GLRA3: variants seen among roughly 807,000 people sequenced by gnomAD.
The protein encoded by GLRA3 is glycine receptor alpha 3, also known as glycine receptor subunit alpha-3.
A neutral mutation model predicts 60.4 loss-of-function variants in GLRA3; 44 were observed. The ratio of observed to expected loss-of-function variants is 0.73; its 90% confidence interval spans 0.57 to 0.94. GLRA3 has a LOEUF of 0.94. GLRA3 is among the 40% of genes least tolerant of loss of function. The pLI is 0.00. For synonymous variants in GLRA3, 223 were observed against 192.9 expected (o/e 1.16, Z -1.29); for missense variants, 508 against 564.6 (o/e 0.90, Z 1.02).
intron 3 of GLRA3, among the ~76,000 whole-genome samples, chr4:174,763,792 G>A (rs1398473607): frequency 2.0e-5 from 3 of 152,118 alleles, no homozygotes; most frequent in East Asian, 3.8e-4. Flanking sequence ...AAACAGTAAT[G>A]ATGGTAAACT....
At position 174,642,895 on chromosome 4, in the gene GLRA3, A is replaced by C; in HGVS notation, c.*891T>G. 1 of 729,352 alleles carries C rather than the reference A, an allele frequency of 1.4e-6. No homozygotes were observed. The highest frequency in any genetic ancestry group is 7.0e-4 in the Middle Eastern group (1 of 1,426). 45.2% of individuals were successfully genotyped at this position (729,352 alleles called of 1,614,324 possible). On this transcript the variant is annotated 3_prime_UTR_variant, in exon 10 of 10. Transcript: ENST00000274093. Reference sequence around the variant, plus strand: ...CATTGAATTTTAAAGTCACATTCTAAACTAAAATATAAAAGTCTTACTGAA... The same window carrying C: ...CATTGAATTTTAAAGTCACATTCTACACTAAAATATAAAAGTCTTACTGAA...
chr4:174,799,544 T>C (rs1482049373), intron 1 of GLRA3, among the ~76,000 whole-genome samples: 1 of 152,206 alleles, frequency 6.6e-6, no homozygotes, highest in Non-Finnish European at 1.5e-5. Flanking sequence ...AAAATTGCAT[T>C]CTAGGATTCA....
intron 2 of GLRA3, among the ~76,000 whole-genome samples, chr4:174,779,489 G>A: frequency 6.6e-6 from 1 of 152,138 alleles, no homozygotes; most frequent in Non-Finnish European, 1.5e-5. Context: ...CTGAGAGAAG[G>A]CGGCTTCAGA....
At chr4:174,702,579 AT>A (rs5864285) in intron 5 of GLRA3, among the ~76,000 whole-genome samples, 28,963 of 151,726 alleles carry the variant, frequency 0.19, 2,991 homozygotes, top group East Asian at 0.39. Flanking sequence ...AAATATTTTT[AT>A]TTTTTGAGAC....
At chr4:174,713,495 A>C (rs1253670371) in intron 5 of GLRA3, 2 of 152,198 alleles carry the variant, frequency 1.3e-5, no homozygotes, top group Non-Finnish European at 2.9e-5. Flanking sequence ...TCACTCACCT[A>C]AAAACAAAAA....
At chr4:174,663,897 C>T (rs1733556983) in intron 7 of GLRA3, among the ~76,000 whole-genome samples, 1 of 152,162 alleles carries the variant, frequency 6.6e-6, no homozygotes, top group South Asian at 2.1e-4. Context: ...ACCCATTGTC[C>T]ACTGGAATCC....
chr4:174,817,716 C>G (rs1212670910), intron 1 of GLRA3, among the ~76,000 whole-genome samples: 3 of 152,142 alleles, frequency 2.0e-5, no homozygotes, highest in African/African-American at 7.2e-5. Context: ...AAGCAATTCT[C>G]CTGCCTCAGC....
intron 9 of GLRA3, among the ~76,000 whole-genome samples, chr4:174,656,282 G>T (rs1733200430): frequency 6.6e-6 from 1 of 152,014 alleles, no homozygotes; most frequent in South Asian, 2.1e-4. Context: ...ATTTAGAATG[G>T]ATTCTAAAGA....
chr4:174,757,972 G>A (rs1737784235), intron 3 of GLRA3, among the ~76,000 whole-genome samples: 1 of 151,390 alleles, frequency 6.6e-6, no homozygotes, highest in South Asian at 2.1e-4. Context: ...CACTATATAA[G>A]TTCCCGCAAG....
intron 1 of GLRA3, among the ~76,000 whole-genome samples, chr4:174,792,577 G>T (rs1739398060): frequency 6.6e-6 from 1 of 152,106 alleles, no homozygotes; most frequent in Non-Finnish European, 1.5e-5. Context: ...AATATATGCA[G>T]TTTTTCCAAA....
At chr4:174,823,318 A>G (rs1017816793) in intron 1 of GLRA3, among the ~76,000 whole-genome samples, 2 of 152,182 alleles carry the variant, frequency 1.3e-5, no homozygotes, top group Admixed American at 6.5e-5. Context: ...AGGTCAGGAG[A>G]TAGAGACCAT....
At chr4:174,757,203 T>C (rs1311490945) in intron 3 of GLRA3, among the ~76,000 whole-genome samples, 2 of 152,186 alleles carry the variant, frequency 1.3e-5, no homozygotes, top group East Asian at 3.8e-4. Flanking sequence ...ATGTCAATAT[T>C]GCAAAATTTA....
At chr4:174,826,875 T>A (rs1578948910) in intron 1 of GLRA3, among the ~76,000 whole-genome samples, 1 of 12,300 alleles carries the variant, frequency 8.1e-5, no homozygotes, top group African/African-American at 2.2e-4. Flanking sequence ...GGGAGCTTCC[T>A]TTTTTTTTTT....
rs551562841 is a variant in GLRA3, at chr4:174,696,434, T to C, written c.575-13495A>G. 2.0e-5 allele frequency among the ~76,000 whole-genome samples: 3 copies of C among 150,012 alleles called. No homozygotes were observed. The East Asian group carries it at 5.8e-4, about 29-fold the overall frequency. On this transcript the variant is annotated intron_variant, in intron 5 of 9. Transcript: ENST00000274093. ...GTAAAGTTGAAACGTGAATAACATATGGAAAACAACATATGTAACAAATAT... is the reference window on the plus strand; with the variant it reads ...GTAAAGTTGAAACGTGAATAACATACGGAAAACAACATATGTAACAAATAT...
intron 2 of GLRA3, among the ~76,000 whole-genome samples, chr4:174,782,164 T>C (rs1269230335): frequency 4.8e-5 from 7 of 147,350 alleles, no homozygotes; most frequent in Non-Finnish European, 9.0e-5. Flanking sequence ...TGGTTCAATA[T>C]ATGCAAATCA....
rs529096496 is a variant in GLRA3 at position 174,790,671 on chromosome 4, T to G, written c.72-1728A>C. Among the ~76,000 whole-genome samples the G allele has an allele frequency of 3.3e-5, 5 of 151,836 alleles. No homozygotes were observed. The South Asian group carries it at 1.0e-3, about 32-fold the overall frequency. ...TGACCTGAACCAATAATACTCTGCCTCCTTCTCTTTTAAAAATACTAGACG... is the reference window on the plus strand; with the variant it reads ...TGACCTGAACCAATAATACTCTGCCGCCTTCTCTTTTAAAAATACTAGACG... On this transcript the variant is annotated intron_variant, in intron 1 of 9. Coordinates refer to ENST00000274093, the MANE Select transcript of GLRA3 (RefSeq NM_006529.4).
Position 174,677,276 on chromosome 4 carries a change from T to C in GLRA3, c.729A>G (p.Ile243Met), listed in dbSNP as rs1241732177. The change falls in exon 7 of 10, where the codon ATA (isoleucine) becomes ATG (methionine). Residue 243 changes from isoleucine (I) to methionine (M), a missense_variant. Around this residue, in one of 3 missense-constraint regions of GLRA3, gnomAD observed 329 missense variants for 349.3 expected, o/e 0.94. Transcript: ENST00000274093. ...GTCGCTCCAGATGGAATCGCACTTC[T>C]ATACACGTAAACTTTCCTAATTGGT... The part of the protein sequence containing the change: ...KHYNTGKFTC[I>M]EVRFHLERQM... 1.2e-6 allele frequency: 2 copies of C among 1,605,716 alleles called. No homozygotes were observed. Among genetic ancestry groups the C allele is most frequent in the Non-Finnish European group, 1.7e-6 (2 of 1,172,996 alleles).
chr4:174,744,847 T>C (rs1401793382), intron 3 of GLRA3, among the ~76,000 whole-genome samples: 5 of 152,144 alleles, frequency 3.3e-5, no homozygotes, highest in Non-Finnish European at 7.4e-5. Flanking sequence ...TTCAAAATTA[T>C]GATATTAAAA....
intron 5 of GLRA3, among the ~76,000 whole-genome samples, chr4:174,708,080 C>A (rs1735579590): frequency 6.6e-6 from 1 of 152,086 alleles, no homozygotes; most frequent in African/African-American, 2.4e-5. Context: ...GAGGTTTAAG[C>A]AACAAATACT....
Sources: allele counts gnomAD v4.1 joint callset (sites outside exome capture counted in the v4.1 genomes callset), GRCh38; gene constraint gnomAD v4.1.1; regional missense constraint gnomAD v4.1.1; transcripts MANE v1.5; gene names NCBI Gene and HGNC (gene_info 2026-07-23, HGNC 2026-07-21).